Variants in PTPRE observed in about 807,000 individuals in gnomAD.
The protein encoded by PTPRE is receptor-type tyrosine-protein phosphatase epsilon.
Under a neutral mutation model 102.0 loss-of-function variants are expected in PTPRE, and 51 were observed. That is an observed-to-expected ratio of 0.50 (90% CI 0.40 to 0.63). The LOEUF (loss-of-function observed/expected upper bound fraction) is 0.63. PTPRE is among the 30% of genes least tolerant of loss of function. The pLI is 0.00. For synonymous variants in PTPRE, 345 were observed against 348.2 expected (o/e 0.99, Z 0.10); for missense variants, 752 against 915.1 (o/e 0.82, Z 2.30).
chr10:128,072,465 C>G (rs945504237), intron 16 of PTPRE: 8 of 352,892 alleles, frequency 2.3e-5, no homozygotes, highest in Admixed American at 4.7e-5. Context: ...CTAGCCTGGC[C>G]AATATGGCAA....
intron 1 of PTPRE, among the ~76,000 whole-genome samples, chr10:127,938,695 A>T (rs751218886): frequency 4.6e-5 from 7 of 152,102 alleles, no homozygotes; most frequent in African/African-American, 7.2e-5. Context: ...TAATATATAT[A>T]TTTTTTTGCT....
At chr10:128,026,356 G>A (rs771893474) in intron 2 of PTPRE, among the ~76,000 whole-genome samples, 1 of 152,230 alleles carries the variant, frequency 6.6e-6, no homozygotes, top group Admixed American at 6.5e-5. Context: ...CCAGCACAAA[G>A]CAGTATTTAT....
At chr10:128,029,166 C>T (rs916390220) in intron 2 of PTPRE, among the ~76,000 whole-genome samples, 5 of 152,162 alleles carry the variant, frequency 3.3e-5, no homozygotes, top group East Asian at 1.9e-4. Flanking sequence ...ATGCCCCAGG[C>T]GGAAGGCTCG....
intron 16 of PTPRE, chr10:128,072,548 A>G: frequency 5.2e-6 from 1 of 190,904 alleles, no homozygotes; most frequent in Non-Finnish European, 1.1e-5. Context: ...GCTACTTGGG[A>G]AGCTGAGGCA....
chr10:127,971,058 C>T (rs544443632), intron 1 of PTPRE, among the ~76,000 whole-genome samples: 5 of 152,300 alleles, frequency 3.3e-5, no homozygotes, highest in Admixed American at 2.0e-4. Context: ...CTACACACAG[C>T]GGCAGAGGTC....
intron 2 of PTPRE, among the ~76,000 whole-genome samples, chr10:128,026,747 A>T (rs766745126): frequency 1.3e-5 from 2 of 152,124 alleles, no homozygotes; most frequent in Non-Finnish European, 2.9e-5. Flanking sequence ...AGCCCTTTGC[A>T]TCCTTTTCTC....
At chr10:127,915,010 C>A (rs1846113181) in intron 1 of PTPRE, among the ~76,000 whole-genome samples, 2 of 152,124 alleles carry the variant, frequency 1.3e-5, no homozygotes, top group Non-Finnish European at 1.5e-5. Flanking sequence ...TAATAAAAAG[C>A]CTGAATATTG....
chr10:127,996,350 C>G (rs7072519), intron 2 of PTPRE, among the ~76,000 whole-genome samples: 1 of 152,178 alleles, frequency 6.6e-6, no homozygotes. Context: ...AAATAAACAC[C>G]TAAGAGAGGG....
intron 2 of PTPRE, among the ~76,000 whole-genome samples, chr10:128,001,485 C>G (rs1242573834): frequency 6.6e-6 from 1 of 152,146 alleles, no homozygotes; most frequent in African/African-American, 2.4e-5. Flanking sequence ...AATTTAAATC[C>G]TTCCACCCCC....
intron 2 of PTPRE, among the ~76,000 whole-genome samples, chr10:128,012,597 A>C (rs2135625145): frequency 6.6e-6 from 1 of 152,306 alleles, no homozygotes; most frequent in African/African-American, 2.4e-5. Context: ...GGAGTCATTA[A>C]GGTGCACCTG....
chr10:127,957,383 A>G (rs946240395), intron 1 of PTPRE, among the ~76,000 whole-genome samples: 2 of 152,190 alleles, frequency 1.3e-5, no homozygotes, highest in Non-Finnish European at 2.9e-5. Context: ...ATAGTTGACC[A>G]TATTTATGTG....
chr10:128,031,105 G>A (rs560977826), intron 2 of PTPRE, among the ~76,000 whole-genome samples: 2 of 152,382 alleles, frequency 1.3e-5, no homozygotes, highest in East Asian at 3.9e-4. Flanking sequence ...AACCAATGCT[G>A]AATGAATGCA....
chr10:127,995,301 A>T (rs1347724334), intron 2 of PTPRE, among the ~76,000 whole-genome samples: 1 of 152,236 alleles, frequency 6.6e-6, no homozygotes, highest in Non-Finnish European at 1.5e-5. Flanking sequence ...CACTTGTGAG[A>T]TAAACCGACC....
Position 128,028,795 on chromosome 10 carries a change from G to A in PTPRE, c.-7-12080G>A, listed in dbSNP as rs770910071. On this transcript the variant is annotated intron_variant, in intron 2 of 20. Transcript: ENST00000254667. This position sits in a 1 kb window ranked among gnomAD's most constrained non-coding sequence, Gnocchi z 4.5. ...GAGGGCTTGAGACCCTCTGGGATGC[G>A]ACCCAGTCCCCACCCATGGCCACTC... 5.3e-5 allele frequency among the ~76,000 whole-genome samples: 8 copies of A among 152,088 alleles called. No individual in the cohort carries two copies. The highest frequency in any genetic ancestry group is 1.9e-4 in the East Asian group (1 of 5,166).
rs144875762 is a variant in PTPRE, at chr10:127,909,399, C to A, written c.-31+2090C>A. Among the ~76,000 whole-genome samples the A allele has an allele frequency of 5.1e-4, 77 of 152,304 alleles. No individual in the cohort carries two copies. The East Asian group carries it at 0.014, about 27-fold the overall frequency. On this transcript the variant is annotated intron_variant, in intron 1 of 20. Coordinates refer to ENST00000254667, the MANE Select transcript of PTPRE (RefSeq NM_006504.6). ...CCTCAGTGGGTCCACTGTGCTCCAT[C>A]TGCACCACCATTAGCCTAGTCTAAG...
chr10:127,975,110 A>G (rs916484256), intron 1 of PTPRE, among the ~76,000 whole-genome samples: 1 of 152,162 alleles, frequency 6.6e-6, no homozygotes, highest in Non-Finnish European at 1.5e-5. Context: ...CCTGGCGTCT[A>G]GTGGGTTTGG....
chr10:128,030,397 G>C (rs1037558304), intron 2 of PTPRE, among the ~76,000 whole-genome samples: 1 of 152,102 alleles, frequency 6.6e-6, no homozygotes, highest in Non-Finnish European at 1.5e-5. Flanking sequence ...AGAGGGAGGG[G>C]AAAGAGAGAG....
At chr10:128,076,459 C>T in intron 17 of PTPRE, 144 bp from the exon 18 acceptor site, 1 of 755,584 alleles carries the variant, frequency 1.3e-6, no homozygotes, top group South Asian at 2.0e-5. Flanking sequence ...CATTAACAGG[C>T]ATTTATATTC....
intron 1 of PTPRE, among the ~76,000 whole-genome samples, chr10:127,939,704 C>G (rs140155143): frequency 2.0e-5 from 3 of 152,280 alleles, no homozygotes; most frequent in East Asian, 3.9e-4. Flanking sequence ...CTGAGCCCAG[C>G]AGGGGCAGGG....
Sources: gnomAD v4.1 joint callset for allele counts (sites outside exome capture counted in the v4.1 genomes callset) on GRCh38, gnomAD v4.1.1 for gene constraint, Gnocchi (gnomAD v3.1) non-coding constraint, MANE v1.5 for transcripts, NCBI Gene and HGNC (gene_info 2026-07-23, HGNC 2026-07-21) for gene names.